DPPA2: variants seen among roughly 807,000 people sequenced by gnomAD.
The protein encoded by DPPA2 is developmental pluripotency associated 2, also known as developmental pluripotency-associated protein 2.
A neutral mutation model predicts 36.2 loss-of-function variants in DPPA2; 26 were observed. The observed-to-expected ratio is 0.72, with a 90% CI of 0.53 to 1.00. The LOEUF (loss-of-function observed/expected upper bound fraction) is 1.00. Ranked by LOEUF, DPPA2 falls within the 50% of genes least tolerant of loss-of-function variation. The pLI, the probability that DPPA2 is intolerant of heterozygous loss-of-function variation, is 0.00. For synonymous variants in DPPA2, 113 were observed against 123.2 expected (o/e 0.92, Z 0.55); for missense variants, 361 against 365.1 (o/e 0.99, Z 0.09).
chr3:109,306,974 G>A (rs1707578351), intron 6 of DPPA2, among the ~76,000 whole-genome samples: 1 of 151,210 alleles, frequency 6.6e-6, no homozygotes. Context: ...GCCCGGCCAA[G>A]ATTTTTTTTT....
rs117143034 is a variant in DPPA2 at position 109,307,324 on chromosome 3, G to A, written c.658+708C>T. Among the ~76,000 whole-genome samples, 67 of 151,938 alleles carry A rather than the reference G, an allele frequency of 4.4e-4. 2 individuals carry two copies. In the East Asian group the frequency reaches 0.01, roughly 23 times the overall value. On this transcript the variant is annotated intron_variant, in intron 6 of 8. Transcript: ENST00000478945. ...ATTTTATATAACAGGATACTTGGCC[G>A]GGAGCAGTGGCTCACACCTGTAATC...
At chr3:109,296,067 G>A (rs1356329039) in intron 8 of DPPA2, among the ~76,000 whole-genome samples, 1 of 151,962 alleles carries the variant, frequency 6.6e-6, no homozygotes, top group Non-Finnish European at 1.5e-5. Context: ...ATTACAAAAA[G>A]GTTTCAACAT....
intron 3 of DPPA2, 40 bp downstream of exon 3, chr3:109,312,505 G>A (rs1305802240): frequency 5.7e-6 from 9 of 1,586,844 alleles, no homozygotes; most frequent in Non-Finnish European, 7.7e-6. Flanking sequence ...GCTTCCCAGA[G>A]TTGTAGGAGT....
chr3:109,303,449 C>T (rs1334656635), intron 7 of DPPA2, among the ~76,000 whole-genome samples: 1 of 151,822 alleles, frequency 6.6e-6, no homozygotes, highest in East Asian at 1.9e-4. Context: ...CAGCTCACCG[C>T]AACCTCTGCC....
In DPPA2 at chr3:109,312,714, T is replaced by G. The variant is rs560938709; in HGVS notation, c.34-22A>C. 9.9e-6 allele frequency: 16 copies of G among 1,611,524 alleles called. No individual in the cohort carries two copies. The East Asian group carries it at 2.2e-4, about 22-fold the overall frequency. ...AATTCTGGAAAGAGAAGTCAGTCACTGATTTTCATTTGATGCGGTACAACT... is the reference window on the plus strand; with the variant it reads ...AATTCTGGAAAGAGAAGTCAGTCACGGATTTTCATTTGATGCGGTACAACT... On this transcript the variant is annotated intron_variant, in intron 2 of 8. Transcript: ENST00000478945.
At chr3:109,295,982 T>C (rs1189344590) in intron 8 of DPPA2, among the ~76,000 whole-genome samples, 1 of 152,054 alleles carries the variant, frequency 6.6e-6, no homozygotes, top group African/African-American at 2.4e-5. Context: ...CAAATGTCAA[T>C]AGAAACCTCC....
chr3:109,304,772 A>T, intron 6 of DPPA2, 102 bp from the exon 7 acceptor site: 1 of 1,155,768 alleles, frequency 8.7e-7, no homozygotes, highest in Non-Finnish European at 1.2e-6. Context: ...TCTGCTCACA[A>T]ATCAATTGAA....
chr3:109,299,035 G>A (rs1461222119), intron 8 of DPPA2, among the ~76,000 whole-genome samples: 1 of 150,818 alleles, frequency 6.6e-6, no homozygotes, highest in African/African-American at 2.4e-5. Context: ...GACAGAGCCA[G>A]ACCCTGTCTC....
chr3:109,300,508 A>G (rs924753670), intron 7 of DPPA2, 73 bp from the exon 8 acceptor site: 21 of 1,432,000 alleles, frequency 1.5e-5, no homozygotes, highest in Non-Finnish European at 2.0e-5. Flanking sequence ...AATCCCTTTA[A>G]AATGACCAAT....
At chr3:109,313,987 A>G (rs1192825764) in intron 2 of DPPA2, among the ~76,000 whole-genome samples, 1 of 152,094 alleles carries the variant, frequency 6.6e-6, no homozygotes, top group Non-Finnish European at 1.5e-5. Flanking sequence ...TAGAGCCAGG[A>G]CTACCCAAGC....
At position 109,312,557 on chromosome 3, in the gene DPPA2, T is replaced by C; in HGVS notation, c.169A>G (p.Lys57Glu). The C allele has an allele frequency of 6.2e-7, 1 of 1,613,326 alleles. No homozygotes were observed. The highest frequency in any genetic ancestry group is 8.5e-7 in the Non-Finnish European group (1 of 1,179,528). Reference protein sequence around the residue: ...TSDVKLEKPKKYNPGHLLQTN... With the variant: ...TSDVKLEKPKEYNPGHLLQTN... Reference sequence around the variant, plus strand: ...CCTGTCCTCATACCTGGATTGTATTTCTTAGGCTTCTCCAGTTTGACATCA... The same window carrying C: ...CCTGTCCTCATACCTGGATTGTATTCCTTAGGCTTCTCCAGTTTGACATCA... Residue 57 changes from lysine (K) to glutamate (E), a missense_variant, in exon 3 of 9, where the codon AAA becomes GAA. By Grantham distance (56) the Lys-to-Glu change is moderately conservative (BLOSUM62 1). Coordinates refer to ENST00000478945, the MANE Select transcript of DPPA2 (RefSeq NM_138815.4).
intron 7 of DPPA2, among the ~76,000 whole-genome samples, chr3:109,300,905 C>G (rs1054576979): frequency 2.0e-5 from 3 of 150,224 alleles, no homozygotes; most frequent in African/African-American, 7.3e-5. Context: ...CACAAAAAGA[C>G]TTTATGTACT....
At chr3:109,315,742 G>C (rs1707774896) in intron 1 of DPPA2, among the ~76,000 whole-genome samples, 1 of 152,068 alleles carries the variant, frequency 6.6e-6, no homozygotes, top group South Asian at 2.1e-4. Context: ...ATATTGTCTG[G>C]ACCTGGCACG....
In DPPA2 at chr3:109,308,285, A is replaced by G; in HGVS notation, c.405T>C (p.Pro135=). 6.2e-7 allele frequency: 1 copy of G among 1,614,058 alleles called. No individual in the cohort carries two copies. The highest frequency in any genetic ancestry group is 1.3e-5 in the African/African-American group (1 of 75,022). ...GTAATCTGGTCTCTTGTGACATTTC[A>G]GGCATATCCTGCAAATGAAATTCAC... ...HAYPEQRQDM[P]EMSQETRLQR... The change falls in exon 6 of 9, where the codon CCT becomes CCC. Residue 135 remains proline (P), a synonymous_variant. Coordinates refer to ENST00000478945, the MANE Select transcript of DPPA2 (RefSeq NM_138815.4).
intron 8 of DPPA2, among the ~76,000 whole-genome samples, chr3:109,294,847 C>A (rs1707323168): frequency 6.6e-6 from 1 of 152,088 alleles, no homozygotes; most frequent in Non-Finnish European, 1.5e-5. Flanking sequence ...TACAGTGAAA[C>A]CCTGTCTCTA....
At chr3:109,314,398 A>G in intron 2 of DPPA2, 112 bp downstream of exon 2, 1 of 1,120,658 alleles carries the variant, frequency 8.9e-7, no homozygotes, top group Non-Finnish European at 1.2e-6. Context: ...CAAGATGGAG[A>G]TTTCTTACAT....
intron 2 of DPPA2, among the ~76,000 whole-genome samples, chr3:109,313,202 T>C (rs1020753548): frequency 2.6e-5 from 4 of 152,222 alleles, no homozygotes; most frequent in South Asian, 2.1e-4. Context: ...CTTGTCATTG[T>C]TATTCTGGTT....
intron 6 of DPPA2, 42 bp from the exon 7 acceptor site, chr3:109,304,712 G>T (rs2107310224): frequency 6.5e-7 from 1 of 1,534,888 alleles, no homozygotes. Flanking sequence ...AATCAAGATA[G>T]CACCCCAACA....
intron 5 of DPPA2, among the ~76,000 whole-genome samples, chr3:109,308,507 C>T (rs905910808): frequency 6.6e-6 from 1 of 152,174 alleles, no homozygotes; most frequent in African/African-American, 2.4e-5. Context: ...GGATTATAGG[C>T]ATGTGCCACC....
Sources: allele counts gnomAD v4.1 joint callset (sites outside exome capture counted in the v4.1 genomes callset), GRCh38; gene constraint gnomAD v4.1.1; transcripts MANE v1.5; gene names NCBI Gene and HGNC (gene_info 2026-07-23, HGNC 2026-07-21).